DLG2: variants seen among roughly 807,000 people sequenced by gnomAD.
The protein encoded by DLG2 is disks large homolog 2.
In DLG2, 45 loss-of-function variants were observed where a neutral mutation model predicts 132.5. The observed-to-expected ratio is 0.34, with a 90% CI of 0.27 to 0.44. DLG2 has a LOEUF of 0.44. Among genes scored for constraint, DLG2 ranks in the 20% least tolerant of loss-of-function variants. DLG2 has a pLI of 1.00. For synonymous variants in DLG2, 424 were observed against 419.6 expected (o/e 1.01, Z -0.13); for missense variants, 1,045 against 1,196.9 (o/e 0.87, Z 1.87).
At chr11:83,982,150 G>A (rs548981601) in intron 11 of DLG2, among the ~76,000 whole-genome samples, 1 of 152,192 alleles carries the variant, frequency 6.6e-6, no homozygotes, top group Admixed American at 6.5e-5. Flanking sequence ...ACTTGATAAT[G>A]ATAATAAATA....
intron 6 of DLG2, among the ~76,000 whole-genome samples, chr11:85,087,844 C>CAAAAAAAAAAAAAAAAAAAAAAAAAAA: frequency 4.5e-5 from 1 of 22,056 alleles, no homozygotes; most frequent in Non-Finnish European, 1.1e-4. Context: ...GACTCCGTCT[C>CAAAAAAAAAAAAAAAAAAAAAAAAAAA]AAAAAAAAAA....
intron 3 of DLG2, among the ~76,000 whole-genome samples, chr11:85,464,093 T>G (rs1565528616): frequency 1.3e-5 from 2 of 150,976 alleles, no homozygotes; most frequent in Admixed American, 1.3e-4. Flanking sequence ...CTATATCATT[T>G]GCCAGATATA....
At chr11:84,760,833 G>T (rs1209742794) in intron 6 of DLG2, among the ~76,000 whole-genome samples, 1 of 152,060 alleles carries the variant, frequency 6.6e-6, no homozygotes, top group South Asian at 2.1e-4. Context: ...ACACTGGGCC[G>T]GCGACAGTCA....
intron 6 of DLG2, among the ~76,000 whole-genome samples, chr11:85,066,941 C>A (rs2065018900): frequency 6.6e-6 from 1 of 151,556 alleles, no homozygotes; most frequent in Non-Finnish European, 1.5e-5. Context: ...AGCCATCAGG[C>A]AAGAAGAAGA....
chr11:83,568,770 C>G (rs141376231), intron 19 of DLG2, among the ~76,000 whole-genome samples: 259 of 152,258 alleles, frequency 1.7e-3, no homozygotes, highest in African/African-American at 6.0e-3. Context: ...ATAATTCTAT[C>G]TCTCATCCCC....
At chr11:85,501,791 AAAAT>A (rs2093810640) in intron 3 of DLG2, among the ~76,000 whole-genome samples, 1 of 152,094 alleles carries the variant, frequency 6.6e-6, no homozygotes, top group Non-Finnish European at 1.5e-5. Flanking sequence ...GAGGTTGTGA[AAAAT>A]AGGAACTCTT....
chr11:84,087,667 T>G (rs2097012168), intron 10 of DLG2, among the ~76,000 whole-genome samples: 1 of 152,050 alleles, frequency 6.6e-6, no homozygotes, highest in African/African-American at 2.4e-5. Context: ...TAAAGAAGAG[T>G]TAGTAGAGTC....
intron 6 of DLG2, among the ~76,000 whole-genome samples, chr11:85,020,290 C>T (rs1311026681): frequency 6.6e-6 from 1 of 152,094 alleles, no homozygotes; most frequent in African/African-American, 2.4e-5. Context: ...TGTTCATGTC[C>T]TTTGCCCACT....
Position 83,598,584 on chromosome 11 carries a change from C to A in DLG2, c.1940+34627G>T, listed in dbSNP as rs200324740. Among the ~76,000 whole-genome samples, 62 of 152,256 alleles carry A rather than the reference C, an allele frequency of 4.1e-4. No individual in the cohort carries two copies. In the East Asian group the frequency reaches 0.01, roughly 25 times the overall value. On this transcript the variant is annotated intron_variant, in intron 19 of 27. Coordinates refer to ENST00000376104, the MANE Select transcript of DLG2 (RefSeq NM_001142699.3). ...TTTGGATTCAAGAGTACTTTCCCAGCAGGTTATTTTGAGGCTAAATGAGGT... is the reference window on the plus strand; with the variant it reads ...TTTGGATTCAAGAGTACTTTCCCAGAAGGTTATTTTGAGGCTAAATGAGGT...
At chr11:84,220,693 AG>A (rs2096900466) in intron 8 of DLG2, among the ~76,000 whole-genome samples, 1 of 151,882 alleles carries the variant, frequency 6.6e-6, no homozygotes, top group Non-Finnish European at 1.5e-5. Flanking sequence ...AAATGAGTTT[AG>A]GGGATTAAGA....
intron 17 of DLG2, among the ~76,000 whole-genome samples, chr11:83,815,746 A>G (rs573611197): frequency 6.6e-6 from 1 of 152,288 alleles, no homozygotes; most frequent in African/African-American, 2.4e-5. Context: ...GTTACCAAGC[A>G]AGGCCATGCT....
chr11:83,941,639 C>T (rs1028598070), intron 14 of DLG2, among the ~76,000 whole-genome samples: 5 of 152,092 alleles, frequency 3.3e-5, no homozygotes, highest in South Asian at 2.1e-4. Context: ...GGTGATCCGC[C>T]GGCCTCAGCC....
intron 19 of DLG2, among the ~76,000 whole-genome samples, chr11:83,575,188 C>G (rs2096855404): frequency 6.6e-6 from 1 of 152,114 alleles, no homozygotes; most frequent in African/African-American, 2.4e-5. Context: ...CTTCAAACAA[C>G]CAAAAGTAAA....
chr11:85,181,195 CAT>C (rs1387212040), intron 4 of DLG2, among the ~76,000 whole-genome samples: 1 of 151,162 alleles, frequency 6.6e-6, no homozygotes, highest in Non-Finnish European at 1.5e-5. Flanking sequence ...TCCTTCTCTC[CAT>C]ATATATGTAT....
intron 8 of DLG2, among the ~76,000 whole-genome samples, chr11:84,168,207 A>G (rs1343803945): frequency 6.6e-6 from 1 of 152,240 alleles, no homozygotes; most frequent in Admixed American, 6.5e-5. Flanking sequence ...AAGGCCTCAT[A>G]CAAGAGTGAT....
chr11:83,576,763 C>A (rs1014820826), intron 19 of DLG2, among the ~76,000 whole-genome samples: 1 of 152,104 alleles, frequency 6.6e-6, no homozygotes, highest in Non-Finnish European at 1.5e-5. Context: ...AGCAGATGTG[C>A]ACTTAAAGAA....
chr11:83,514,422 A>G (rs949557941), intron 21 of DLG2, among the ~76,000 whole-genome samples: 6 of 152,054 alleles, frequency 3.9e-5, no homozygotes, highest in Non-Finnish European at 8.8e-5. Context: ...GCTTAAGGAG[A>G]TTTTGGGCTG....
chr11:83,812,810 T>C (rs2047700249), intron 17 of DLG2, among the ~76,000 whole-genome samples: 1 of 152,094 alleles, frequency 6.6e-6, no homozygotes, highest in African/African-American at 2.4e-5. Flanking sequence ...TTGTGGGAAA[T>C]GTACTTGAGG....
intron 4 of DLG2, among the ~76,000 whole-genome samples, chr11:85,205,027 T>C (rs1316369769): frequency 6.6e-6 from 1 of 151,802 alleles, no homozygotes; most frequent in Non-Finnish European, 1.5e-5. Context: ...ACACCAAAAG[T>C]CAACTCAAAA....
Sources: gnomAD v4.1 joint callset for allele counts (sites outside exome capture counted in the v4.1 genomes callset) on GRCh38, gnomAD v4.1.1 for gene constraint, MANE v1.5 for transcripts, NCBI Gene and HGNC (gene_info 2026-07-23, HGNC 2026-07-21) for gene names.